Variants in ARNT2 observed in about 807,000 individuals in gnomAD.
ARNT2 encodes the protein ARNT protein 2.
ARNT2 carries 36 observed loss-of-function variants against 91.7 expected under a neutral mutation model. The ratio of observed to expected loss-of-function variants is 0.39; its 90% CI spans 0.30 to 0.52. ARNT2 has a LOEUF of 0.52. Ranked by LOEUF, ARNT2 falls within the 20% of genes least tolerant of loss-of-function variation. The pLI, the probability that ARNT2 is intolerant of heterozygous loss-of-function variation, is 0.72. For missense variants in ARNT2, 775 were observed against 939.3 expected, an observed-to-expected ratio of 0.83 and a Z score of 2.29; for synonymous variants, 365 against 347.1, an observed-to-expected ratio of 1.05 and a Z score of -0.57.
rs141528804 is a variant in ARNT2, at chr15:80,482,426, T to A, written c.622+7203T>A. Among the ~76,000 whole-genome samples, 6 of 152,258 alleles carry A rather than the reference T, an allele frequency of 3.9e-5. No individual in the cohort carries two copies. The East Asian group carries it at 1.2e-3, about 29-fold the overall frequency. The stretch of plus-strand genomic sequence containing the variant: ...CTGGGGCTCATCAAGGTCCTATGCA[T>A]GGGGATTATCGGCCCCATTTCACAG... On this transcript the variant is annotated intron_variant, in intron 5 of 18. Transcript: ENST00000303329.
Position 80,574,181 on chromosome 15 carries a change from G to T in ARNT2, c.1350G>T (p.Val450=), listed in dbSNP as rs1469797237. Residue 450 remains valine (V), a synonymous_variant, in exon 13 of 19, where the codon GTG becomes GTT. Transcript: ENST00000303329. Reference sequence around the variant, plus strand: ...AGCAACAGCAGGCAGAATTGGAAGTGCACCAGAGAGATGGATTGTCATCGT... The same window carrying T: ...AGCAACAGCAGGCAGAATTGGAAGTTCACCAGAGAGATGGATTGTCATCGT... The part of the protein sequence containing the change: ...QLQQQQAELE[V]HQRDGLSSYD... 6.2e-7 allele frequency: 1 copy of T among 1,614,208 alleles called. No homozygotes were observed. Among genetic ancestry groups the T allele is most frequent in the Admixed American group, 1.7e-5 (1 of 60,032 alleles).
intron 3 of ARNT2, among the ~76,000 whole-genome samples, chr15:80,469,320 T>C (rs943643070): frequency 6.6e-6 from 1 of 152,176 alleles, no homozygotes; most frequent in Non-Finnish European, 1.5e-5. Context: ...GGCTATTTAT[T>C]GTTTCATAAG....
Position 80,513,195 on chromosome 15 carries a change from G to A in ARNT2, c.726-716G>A, listed in dbSNP as rs141643097. On this transcript the variant is annotated intron_variant, in intron 6 of 18. Coordinates refer to ENST00000303329, the MANE Select transcript of ARNT2 (RefSeq NM_014862.4). ...AAGCAGCAGTCAGAGCCTGGCCATG[G>A]TGCAGGCTTTGGGTGTTCAGCACCT... Among the ~76,000 whole-genome samples, 238 of 152,316 alleles carry A rather than the reference G, an allele frequency of 1.6e-3. 2 individuals carry two copies. In the East Asian group the frequency reaches 0.02, roughly 13 times the overall value.
At chr15:80,569,361 G>A (rs889329020) in intron 12 of ARNT2, among the ~76,000 whole-genome samples, 14 of 152,310 alleles carry the variant, frequency 9.2e-5, no homozygotes, top group South Asian at 6.2e-4. Flanking sequence ...CACTTCCCTC[G>A]CATGTGCTGT....
chr15:80,535,744 T>C (rs553159042), intron 8 of ARNT2, among the ~76,000 whole-genome samples: 2 of 151,426 alleles, frequency 1.3e-5, no homozygotes, highest in South Asian at 4.2e-4. Context: ...TTTTTTTTTG[T>C]CTGTTTAAAT....
At chr15:80,462,129 T>A (rs980565970) in intron 3 of ARNT2, among the ~76,000 whole-genome samples, 1 of 152,048 alleles carries the variant, frequency 6.6e-6, no homozygotes, top group African/African-American at 2.4e-5. Flanking sequence ...AACCTCACAC[T>A]CAAGCAGAGG....
intron 14 of ARNT2, 94 bp from the exon 15 acceptor site, chr15:80,576,772 C>T: frequency 7.4e-7 from 1 of 1,353,864 alleles, no homozygotes; most frequent in East Asian, 2.3e-5. Context: ...CTCCCGTTCC[C>T]ACGCCCACCC....
At chr15:80,433,009 G>A (rs1190485214) in intron 1 of ARNT2, among the ~76,000 whole-genome samples, 2 of 152,076 alleles carry the variant, frequency 1.3e-5, no homozygotes, top group African/African-American at 2.4e-5. Flanking sequence ...TATTTGTAGA[G>A]TAATTCACAG....
chr15:80,515,513 A>C (rs562863492), intron 8 of ARNT2, among the ~76,000 whole-genome samples: 2 of 152,350 alleles, frequency 1.3e-5, no homozygotes, highest in Admixed American at 6.5e-5. Context: ...GATTTCATTT[A>C]TGTAAAATGT....
At chr15:80,426,305 G>A (rs1037431624) in intron 1 of ARNT2, among the ~76,000 whole-genome samples, 3 of 152,210 alleles carry the variant, frequency 2.0e-5, no homozygotes, top group Non-Finnish European at 2.9e-5. Context: ...TGAGATCTTC[G>A]CTGCTTGTTG....
intron 5 of ARNT2, among the ~76,000 whole-genome samples, chr15:80,485,594 C>T (rs1013395738): frequency 7.2e-5 from 11 of 152,160 alleles, no homozygotes. Context: ...CATGTCTGGG[C>T]AGGTTGGAGA....
intron 5 of ARNT2, 92 bp downstream of exon 5, chr15:80,475,315 G>A: frequency 7.5e-7 from 1 of 1,328,432 alleles, no homozygotes; most frequent in Non-Finnish European, 1.1e-6. Flanking sequence ...AGTACTTTGG[G>A]AGGCTGAGGC....
rs561025680 is a variant in ARNT2 at position 80,460,949 on chromosome 15, G to A, written c.194+2973G>A. Among the ~76,000 whole-genome samples, 3 of 152,260 alleles carry A rather than the reference G, an allele frequency of 2.0e-5. No individual in the cohort carries two copies. In the South Asian group the frequency reaches 6.2e-4, roughly 32 times the overall value. On this transcript the variant is annotated intron_variant, in intron 3 of 18. Transcript: ENST00000303329. ...ACTCATGCTCCAAGGCAGAAGGAAG[G>A]AGCTGCAGGTGAGGCCAAGTGCGAG... is the stretch of plus-strand genomic sequence containing the variant.
intron 3 of ARNT2, among the ~76,000 whole-genome samples, chr15:80,467,391 T>C (rs1273603961): frequency 6.6e-6 from 1 of 152,182 alleles, no homozygotes; most frequent in Admixed American, 6.5e-5. Context: ...GGCTATTGCC[T>C]GGTGATACTG....
At chr15:80,542,013 T>C (rs972705546) in intron 8 of ARNT2, among the ~76,000 whole-genome samples, 4 of 152,224 alleles carry the variant, frequency 2.6e-5, no homozygotes, top group African/African-American at 9.6e-5. Flanking sequence ...ATGCTGGCCC[T>C]TCTGACTTAG....
chr15:80,509,074 G>C (rs1897309432), intron 6 of ARNT2, among the ~76,000 whole-genome samples: 1 of 152,152 alleles, frequency 6.6e-6, no homozygotes, highest in Non-Finnish European at 1.5e-5. Context: ...CATTTATTTA[G>C]TTATTCAACA....
intron 8 of ARNT2, among the ~76,000 whole-genome samples, chr15:80,543,795 C>T (rs1897949159): frequency 6.6e-6 from 1 of 152,162 alleles, no homozygotes; most frequent in South Asian, 2.1e-4. Context: ...CTTTGTTGTA[C>T]ATTGGCCTGA....
chr15:80,576,521 C>A (rs925342013), intron 14 of ARNT2, among the ~76,000 whole-genome samples: 2 of 152,226 alleles, frequency 1.3e-5, no homozygotes, highest in African/African-American at 4.8e-5. Context: ...AAGTGATCCG[C>A]CTGCCTCAGC....
chr15:80,529,490 A>G (rs1897700523), intron 8 of ARNT2, among the ~76,000 whole-genome samples: 1 of 151,074 alleles, frequency 6.6e-6, no homozygotes, highest in African/African-American at 2.4e-5. Flanking sequence ...TTTTTTTTCT[A>G]GATAGCCTGT....
Sources: allele counts gnomAD v4.1 joint callset (sites outside exome capture counted in the v4.1 genomes callset), GRCh38; gene constraint gnomAD v4.1.1; transcripts MANE v1.5; gene names NCBI Gene and HGNC (gene_info 2026-07-23, HGNC 2026-07-21).